Variants in LAMA4 observed in about 807,000 individuals in gnomAD.
LAMA4 encodes the protein laminin subunit alpha 4.
A neutral mutation model predicts 207.1 loss-of-function variants in LAMA4; 127 were observed. The ratio of observed to expected loss-of-function variants is 0.61; its 90% confidence interval spans 0.53 to 0.71. The LOEUF is 0.71. Among genes scored for constraint, LAMA4 ranks in the 30% least tolerant of loss-of-function variants. The pLI is 0.00. For missense variants in LAMA4, 2,093 were observed against 2,246.5 expected (o/e 0.93, Z 1.38); for synonymous variants, 761 against 816.0 (o/e 0.93, Z 1.15).
chr6:112,142,313 C>T (rs1262712207), intron 19 of LAMA4, 21 bp from the exon 20 acceptor site: 11 of 1,613,288 alleles, frequency 6.8e-6, no homozygotes, highest in Non-Finnish European at 9.3e-6. Flanking sequence ...ACAACGGTTT[C>T]ATTAAAAGTG....
chr6:112,229,566 G>GTC lies in LAMA4; in HGVS notation c.196-13099_196-13098dup, dbSNP rs1267908830. 1.2e-4 allele frequency among the ~76,000 whole-genome samples: 18 copies of GTC among 152,236 alleles called. No individual in the cohort carries two copies. The East Asian group carries it at 2.3e-3, about 20-fold the overall frequency. Reference sequence around the variant, plus strand: ...AGTGGTGACAACAAAATTTCGCATGGTCTCACTGGGGGCCATAGGTAGGAA... The same window carrying GTC: ...AGTGGTGACAACAAAATTTCGCATGGTCTCTCACTGGGGGCCATAGGTAGGAA... On this transcript the variant is annotated intron_variant, in intron 2 of 38. Coordinates refer to ENST00000230538, the MANE Select transcript of LAMA4 (RefSeq NM_001105206.3).
At chr6:112,187,950 G>T (rs1360291678) in intron 7 of LAMA4, among the ~76,000 whole-genome samples, 1 of 152,162 alleles carries the variant, frequency 6.6e-6, no homozygotes, top group Non-Finnish European at 1.5e-5. Context: ...TGCGAGAGTC[G>T]CTTCCTGACA....
intron 7 of LAMA4, among the ~76,000 whole-genome samples, chr6:112,188,498 C>T (rs905180132): frequency 1.3e-5 from 2 of 152,160 alleles, no homozygotes; most frequent in Admixed American, 1.3e-4. Flanking sequence ...CTCCGAGGGA[C>T]TGAGAGACCA....
chr6:112,201,963 T>C (rs1783773614), intron 4 of LAMA4, among the ~76,000 whole-genome samples: 1 of 152,190 alleles, frequency 6.6e-6, no homozygotes, highest in African/African-American at 2.4e-5. Flanking sequence ...GGAAATAAAA[T>C]GATCAAATTC....
intron 2 of LAMA4, among the ~76,000 whole-genome samples, chr6:112,238,791 C>T (rs576073815): frequency 6.6e-6 from 1 of 152,288 alleles, no homozygotes; most frequent in East Asian, 1.9e-4. Context: ...CTAAATATGG[C>T]TTTTGCTTAA....
chr6:112,158,923 C>A (rs937052017), intron 13 of LAMA4, 43 bp from the exon 14 acceptor site: 2 of 1,382,346 alleles, frequency 1.4e-6, no homozygotes, highest in African/African-American at 2.9e-5. Flanking sequence ...TTTAGAAGAA[C>A]TTAAAACATT....
chr6:112,176,332 C>G (rs1394534930), intron 10 of LAMA4, among the ~76,000 whole-genome samples: 1 of 152,136 alleles, frequency 6.6e-6, no homozygotes, highest in Admixed American at 6.5e-5. Flanking sequence ...TACTGCAGCT[C>G]CAAGAGGAAG....
chr6:112,174,826 A>G (rs1057053174), intron 11 of LAMA4, among the ~76,000 whole-genome samples: 1 of 152,234 alleles, frequency 6.6e-6, no homozygotes, highest in African/African-American at 2.4e-5. Context: ...TAACTGATAC[A>G]GTGATCAAGT....
chr6:112,187,681 A>C, intron 7 of LAMA4, 80 bp from the exon 8 acceptor site: 1 of 1,363,822 alleles, frequency 7.3e-7, no homozygotes, highest in African/African-American at 1.4e-5. Context: ...ATAAATCTCT[A>C]TTTCCTTGGT....
Position 112,139,638 on chromosome 6 carries a change from C to CA in LAMA4, c.3110+113dup, listed in dbSNP as rs1478306625. 2.3e-6 allele frequency: 3 copies of CA among 1,298,470 alleles called. No homozygotes were observed. In the African/African-American group the frequency reaches 4.4e-5, roughly 19 times the overall value. The allele number at this position is 1,298,470 out of a possible 1,614,324, so 80.4% of individuals were successfully genotyped here. A position where few individuals can be genotyped will look rare whatever the true frequency, so the allele number is the denominator to read the frequency against. On this transcript the variant is annotated intron_variant, in intron 23 of 38. Coordinates refer to ENST00000230538, the MANE Select transcript of LAMA4 (RefSeq NM_001105206.3). ...TTTGCAGGTATGACTTATGTAGTTTCAAAACTGGCTTCCCCAAAGAAAAGT... is the reference window on the plus strand; with the variant it reads ...TTTGCAGGTATGACTTATGTAGTTTCAAAAACTGGCTTCCCCAAAGAAAAGT...
At chr6:112,178,279 A>G (rs782400875) in intron 9 of LAMA4, 47 bp from the exon 10 acceptor site, 1 of 1,376,222 alleles carries the variant, frequency 7.3e-7, no homozygotes, top group African/African-American at 1.4e-5. Context: ...TGAGAAAAGA[A>G]TGTTGTATAA....
chr6:112,218,244 A>G (rs1456207525), intron 2 of LAMA4: 1 of 152,196 alleles, frequency 6.6e-6, no homozygotes, highest in Admixed American at 6.5e-5. Flanking sequence ...GAGCTCTCTA[A>G]ATGACCATAT....
chr6:112,150,702 C>A, intron 16 of LAMA4, 75 bp from the exon 17 acceptor site: 1 of 1,024,960 alleles, frequency 9.8e-7, no homozygotes, highest in Non-Finnish European at 1.6e-6. Flanking sequence ...AACAAGGAAA[C>A]TTCTCATTTG....
intron 5 of LAMA4, among the ~76,000 whole-genome samples, chr6:112,192,431 G>A (rs1019372357): frequency 5.3e-5 from 8 of 152,344 alleles, no homozygotes; most frequent in African/African-American, 1.7e-4. Flanking sequence ...CAGGTAGTAC[G>A]CTTAGCTCCT....
intron 19 of LAMA4, among the ~76,000 whole-genome samples, chr6:112,142,633 T>A (rs1440531151): frequency 5.3e-5 from 8 of 152,192 alleles, no homozygotes; most frequent in Admixed American, 3.3e-4. Context: ...TCATACAATT[T>A]ATACAAAACT....
At chr6:112,253,693 C>T in intron 2 of LAMA4, 3 of 1,550,034 alleles carry the variant, frequency 1.9e-6, no homozygotes, top group South Asian at 1.1e-5. Flanking sequence ...GAGAGTCTAG[C>T]GGATGAACTC....
chr6:112,154,919 A>G lies in LAMA4; in HGVS notation c.1988T>C (p.Ile663Thr), dbSNP rs538726706. The change falls in exon 16 of 39, where the codon ATT becomes ACT. Residue 663 changes from isoleucine to threonine, a missense_variant. By Grantham distance (89) the Ile-to-Thr change is moderately conservative. Around this residue, in one of 3 missense-constraint regions of LAMA4, gnomAD observed 1,704 missense variants for 1,788.4 expected, o/e 0.95. Coordinates refer to ENST00000230538, the MANE Select transcript of LAMA4 (RefSeq NM_001105206.3). ...DAVSGIDTQI[I>T]YHKDESENLL... Reference sequence around the variant, plus strand: ...GTTCTCACTTTCATCTTTATGGTAAATGATTTGAGTATCAATCCCACTCAC... The same window carrying G: ...GTTCTCACTTTCATCTTTATGGTAAGTGATTTGAGTATCAATCCCACTCAC... 3.3e-4 allele frequency: 526 copies of G among 1,613,268 alleles called. 6 individuals are homozygous for G. The South Asian group carries it at 5.3e-3, about 16-fold the overall frequency.
At chr6:112,135,332 C>T (rs566819438) in intron 25 of LAMA4, among the ~76,000 whole-genome samples, 1 of 152,280 alleles carries the variant, frequency 6.6e-6, no homozygotes, top group South Asian at 2.1e-4. Context: ...CAGGTGCCTT[C>T]TGGAATCTAG....
chr6:112,137,940 A>G (rs1420902613), intron 24 of LAMA4, among the ~76,000 whole-genome samples: 1 of 152,226 alleles, frequency 6.6e-6, no homozygotes, highest in East Asian at 1.9e-4. Flanking sequence ...ATAATAATGG[A>G]TGAGAAAGTA....
Sources: allele counts gnomAD v4.1 joint callset (sites outside exome capture counted in the v4.1 genomes callset), GRCh38; gene constraint gnomAD v4.1.1; regional missense constraint gnomAD v4.1.1; transcripts MANE v1.5; gene names NCBI Gene and HGNC (gene_info 2026-07-23, HGNC 2026-07-21).